Variants in NSUN6 observed in about 807,000 individuals in gnomAD.
NSUN6 encodes the protein tRNA (cytosine(72)-C(5))-methyltransferase NSUN6.
Under a neutral mutation model 58.0 loss-of-function variants are expected in NSUN6, and 64 were observed. The observed-to-expected ratio is 1.10, with a 90% CI of 0.90 to 1.36. The LOEUF (loss-of-function observed/expected upper bound fraction) is 1.36, where lower values mean the gene tolerates loss of function less well. Among genes scored for constraint, NSUN6 ranks in the 40% most tolerant of loss-of-function variants. NSUN6 has a pLI of 0.00. For synonymous variants in NSUN6, 231 were observed against 193.9 expected, an observed-to-expected ratio of 1.19 and a Z score of -1.59; for missense variants, 701 against 550.1, an observed-to-expected ratio of 1.27 and a Z score of -2.74.
upstream of NSUN6, among the ~76,000 whole-genome samples, chr10:18,656,927 A>G (rs185876199): frequency 3.1e-3 from 464 of 149,940 alleles, 9 homozygotes; most frequent in Non-Finnish European, 1.1e-3. Context: ...CCTTGGCTCA[A>G]ATGAGCCTCT....
At chr10:18,606,257 T>A (rs2058044125) in intron 6 of NSUN6, among the ~76,000 whole-genome samples, 1 of 151,278 alleles carries the variant, frequency 6.6e-6, no homozygotes, top group Non-Finnish European at 1.5e-5. Context: ...ATGTACCCCC[T>A]GATAAGGACA....
rs75715484 is a variant in NSUN6, at chr10:18,599,884, G to A, written c.658-3557C>T. On this transcript the variant is annotated intron_variant, in intron 6 of 10. Transcript: ENST00000377304. Reference sequence around the variant, plus strand: ...CTGTCAACCCTTTATTAGACAATTAGTTCAACTGAAGGGCATCTAATACTT... The same window carrying A: ...CTGTCAACCCTTTATTAGACAATTAATTCAACTGAAGGGCATCTAATACTT... Among the ~76,000 whole-genome samples, 649 of 152,248 alleles carry A rather than the reference G, an allele frequency of 4.3e-3. 6 individuals carry two copies. Among genetic ancestry groups the A allele is most frequent in the African/African-American group, 0.015 (617 of 41,546 alleles).
chr10:18,624,177 T>C (rs935513394), intron 3 of NSUN6, among the ~76,000 whole-genome samples: 16 of 151,614 alleles, frequency 1.1e-4, no homozygotes, highest in African/African-American at 3.9e-4. Flanking sequence ...GAAAGTAAAC[T>C]AGCAGCTAAG....
At chr10:18,657,126 CCTAAT>C (rs534290655), upstream of NSUN6, among the ~76,000 whole-genome samples, 208 of 152,210 alleles carry the variant, frequency 1.4e-3, 1 homozygote, top group Non-Finnish European at 1.9e-3. Context: ...CCGTGCCTCT[CCTAAT>C]GTAATTGAAA....
At chr10:18,596,362 T>A (rs866663055) in intron 6 of NSUN6, 35 bp from the exon 7 acceptor site, 4 of 1,436,382 alleles carry the variant, frequency 2.8e-6, no homozygotes, top group Middle Eastern at 1.7e-4. Flanking sequence ...TTATCAATAA[T>A]CCTAAAGCAT....
intron 4 of NSUN6, among the ~76,000 whole-genome samples, chr10:18,615,007 A>C (rs1480699458): frequency 6.6e-6 from 1 of 152,128 alleles, no homozygotes; most frequent in South Asian, 2.1e-4. Flanking sequence ...AAAATCCTTC[A>C]AAGAAATATT....
chr10:18,575,511 C>A (rs2056604693), intron 8 of NSUN6, among the ~76,000 whole-genome samples: 2 of 152,154 alleles, frequency 1.3e-5, no homozygotes. Flanking sequence ...TTGATTCAGA[C>A]AATGGAACTC....
In NSUN6 at chr10:18,581,074, G is replaced by A. The variant is rs539314852; in HGVS notation, c.922+4875C>T. Among the ~76,000 whole-genome samples, 166 of 152,234 alleles carry A rather than the reference G, an allele frequency of 1.1e-3. 1 individual carries two copies. Among genetic ancestry groups the A allele is most frequent in the African/African-American group, 3.7e-3 (153 of 41,526 alleles). ...TGCTGACATACTTCTGGGGTCTGGC[G>A]TTACTTCTCCTGATTCTTCCCTTGG... On this transcript the variant is annotated intron_variant, in intron 8 of 10. Transcript: ENST00000377304.
intron 8 of NSUN6, among the ~76,000 whole-genome samples, chr10:18,565,904 G>C (rs62648434): frequency 0.38 from 51,947 of 137,884 alleles, 9,451 homozygotes; most frequent in East Asian, 0.75. Context: ...ATTCCATTCC[G>C]TTCTCCATTC....
At chr10:18,650,377 T>A (rs1436861319) in intron 1 of NSUN6, among the ~76,000 whole-genome samples, 2 of 152,214 alleles carry the variant, frequency 1.3e-5, no homozygotes, top group African/African-American at 4.8e-5. Flanking sequence ...AAAATTAACA[T>A]TTTTTGAGGA....
At chr10:18,617,826 T>C (rs1204483925) in intron 3 of NSUN6, among the ~76,000 whole-genome samples, 1 of 152,154 alleles carries the variant, frequency 6.6e-6, no homozygotes, top group Non-Finnish European at 1.5e-5. Flanking sequence ...AATGAATTAA[T>C]GCTATAATAA....
intron 8 of NSUN6, among the ~76,000 whole-genome samples, chr10:18,570,753 C>T (rs2056309942): frequency 6.6e-6 from 1 of 150,628 alleles, no homozygotes; most frequent in South Asian, 2.1e-4. Flanking sequence ...TTCTCCATTC[C>T]ATTCTCCATT....
intron 3 of NSUN6, among the ~76,000 whole-genome samples, chr10:18,624,641 C>A (rs1178236277): frequency 2.5e-5 from 1 of 39,910 alleles, no homozygotes; most frequent in African/African-American, 9.9e-5. Context: ...GAGCGAGACT[C>A]TGTCTCAAAA....
chr10:18,626,794 T>C (rs1470926186), intron 3 of NSUN6, among the ~76,000 whole-genome samples: 1 of 151,856 alleles, frequency 6.6e-6, no homozygotes, highest in African/African-American at 2.4e-5. Flanking sequence ...AAGATGGAAA[T>C]CGAGTAGGCT....
At chr10:18,646,244 G>C (rs1319989338) in intron 2 of NSUN6, among the ~76,000 whole-genome samples, 1 of 152,134 alleles carries the variant, frequency 6.6e-6, no homozygotes, top group Non-Finnish European at 1.5e-5. Flanking sequence ...ATATTGGGGA[G>C]AAAACACTTA....
At chr10:18,567,450 GCTCCATTCCATTCCATTCTCCATACCATC>G (rs1202242319) in intron 8 of NSUN6, among the ~76,000 whole-genome samples, 9 of 128,592 alleles carry the variant, frequency 7.0e-5, no homozygotes, top group Non-Finnish European at 1.2e-4. Flanking sequence ...TCCATTCCAT[GCTCCATTCCATTCCATTCTCCATACCATC>G]CTCCATTCCA....
At chr10:18,621,814 T>C (rs1459716347) in intron 3 of NSUN6, among the ~76,000 whole-genome samples, 1 of 152,172 alleles carries the variant, frequency 6.6e-6, no homozygotes, top group Non-Finnish European at 1.5e-5. Flanking sequence ...CTATTTGGTA[T>C]TTTAACTGCA....
chr10:18,574,017 T>C (rs1240232740), intron 8 of NSUN6, among the ~76,000 whole-genome samples: 3 of 152,094 alleles, frequency 2.0e-5, no homozygotes, highest in Admixed American at 6.6e-5. Context: ...GAAAGGCTCA[T>C]AACTGCCCCT....
chr10:18,568,254 C>T (rs986009563), intron 8 of NSUN6, among the ~76,000 whole-genome samples: 2 of 151,004 alleles, frequency 1.3e-5, no homozygotes, highest in Non-Finnish European at 3.0e-5. Context: ...TTCTCTGTTC[C>T]ACTCCATACC....
Sources: gnomAD v4.1 joint callset for allele counts (sites outside exome capture counted in the v4.1 genomes callset) on GRCh38, gnomAD v4.1.1 for gene constraint, MANE v1.5 for transcripts, NCBI Gene and HGNC (gene_info 2026-07-23, HGNC 2026-07-21) for gene names.